Variants in KIF21B observed in about 807,000 individuals in gnomAD.
The protein encoded by KIF21B is kinesin family member 21B, also known as kinesin-like protein KIF21B.
In KIF21B, 85 loss-of-function variants were observed where a neutral mutation model predicts 192.9. That is an observed-to-expected ratio of 0.44 (90% CI 0.37 to 0.53). KIF21B has a LOEUF of 0.53. Ranked by LOEUF, KIF21B falls within the 20% of genes least tolerant of loss-of-function variation. KIF21B has a pLI of 0.00. For missense variants in KIF21B, 1,716 were observed against 2,194.8 expected, an observed-to-expected ratio of 0.78 and a Z score of 4.36; for synonymous variants, 832 against 884.6, an observed-to-expected ratio of 0.94 and a Z score of 1.05.
In KIF21B at chr1:201,003,783, T is replaced by TG; in HGVS notation, c.1017-3dup. ...ACACAGGCGATCATGATGGTCTGGC[T>TG]GGGGGTGCAGAAAGGCTGTTGTGAG... On this transcript the variant is annotated splice_region_variant and splice_polypyrimidine_tract_variant and intron_variant, in intron 7 of 34. Coordinates refer to ENST00000461742, the MANE Select transcript of KIF21B (RefSeq NM_001252102.2). 6.2e-7 allele frequency: 1 copy of TG among 1,614,146 alleles called. No individual in the cohort carries two copies. The highest frequency in any genetic ancestry group is 2.2e-5 in the East Asian group (1 of 44,882).
In KIF21B at chr1:200,975,773, G is replaced by A; in HGVS notation, c.4444-104C>T. 8.4e-7 allele frequency: 1 copy of A among 1,192,348 alleles called. No individual in the cohort carries two copies. 73.9% of individuals were successfully genotyped at this position (1,192,348 alleles called of 1,614,324 possible). ...CCTGAAGACCCAGGAGTCTGGCTAG[G>A]GTGACAGCCACTGCCCTCTGGGGAG... On this transcript the variant is annotated intron_variant, in intron 32 of 34. Coordinates refer to ENST00000461742, the MANE Select transcript of KIF21B (RefSeq NM_001252102.2). The surrounding 1 kb of genome is among the most constrained non-coding windows in gnomAD (Gnocchi z 4.3).
intron 26 of KIF21B, 128 bp downstream of exon 26, chr1:200,986,716 G>A: frequency 2.5e-6 from 2 of 789,854 alleles, no homozygotes; most frequent in East Asian, 2.6e-5. Context: ...AACCTGAATG[G>A]CTCAGTCAAG....
At position 200,996,342 on chromosome 1, in the gene KIF21B, C is replaced by T; in HGVS notation, c.2131G>A (p.Glu711Lys). The change falls in exon 15 of 35, where the codon GAG becomes AAG. Residue 711 changes from glutamate (E) to lysine (K), a missense_variant. Glu to Lys is a moderately conservative substitution (Grantham distance 56, BLOSUM62 1). Around this residue, in one of 3 missense-constraint regions of KIF21B, gnomAD observed 1,087 missense variants for 1,316.6 expected, o/e 0.83. Coordinates refer to ENST00000461742, the MANE Select transcript of KIF21B (RefSeq NM_001252102.2). The part of the protein sequence containing the change: ...EKANKIKADY[E>K]KRLREMNRDL... Reference sequence around the variant, plus strand: ...CGGTTCATCTCCCGCAGCCTCTTCTCATAGTCTGCCTTGATCTTGTTGGCC... The same window carrying T: ...CGGTTCATCTCCCGCAGCCTCTTCTTATAGTCTGCCTTGATCTTGTTGGCC... 1 of 1,614,178 alleles carries T rather than the reference C, an allele frequency of 6.2e-7. No individual in the cohort carries two copies. The highest frequency in any genetic ancestry group is 1.3e-5 in the African/African-American group (1 of 75,050).
In KIF21B at chr1:201,000,759, C is replaced by G; in HGVS notation, c.1424G>C (p.Gly475Ala). 1 of 1,614,240 alleles carries G rather than the reference C, an allele frequency of 6.2e-7. No individual in the cohort carries two copies. Among genetic ancestry groups the G allele is most frequent in the Non-Finnish European group, 8.5e-7 (1 of 1,180,036 alleles). The change falls in exon 10 of 35, where the codon GGT becomes GCT. Residue 475 changes from glycine to alanine, a missense_variant. Gly to Ala is a moderately conservative substitution (Grantham distance 60, BLOSUM62 0). Coordinates refer to ENST00000461742, the MANE Select transcript of KIF21B (RefSeq NM_001252102.2). This position sits in a 1 kb window ranked among gnomAD's most constrained non-coding sequence, Gnocchi z 6.0. Reference sequence around the variant, plus strand: ...CCGGATGTAGTTCTGGATCAGCGCACCAATGGCCTCATTGCCATCGCCTGG... The same window carrying G: ...CCGGATGTAGTTCTGGATCAGCGCAGCAATGGCCTCATTGCCATCGCCTGG... ...AKAGDGNEAIGALIQNYIREI... is the reference protein window; with the variant it reads ...AKAGDGNEAIAALIQNYIREI...
intron 3 of KIF21B, among the ~76,000 whole-genome samples, chr1:201,007,371 CAG>C (rs141059463): frequency 5.0e-4 from 31 of 62,034 alleles, no homozygotes; most frequent in East Asian, 1.8e-3. Context: ...CACACACACA[CAG>C]AGACAGAGAC....
At chr1:201,002,457 A>G (rs1657557487) in intron 8 of KIF21B, 107 bp from the exon 9 acceptor site, 1 of 961,076 alleles carries the variant, frequency 1.0e-6, no homozygotes, top group East Asian at 2.4e-5. Flanking sequence ...CTTCCCCTGG[A>G]TATGGCGCAT....
rs1370253259 is a variant in KIF21B, at chr1:201,005,664, C to A, written c.478G>T (p.Asp160Tyr). 1.2e-6 allele frequency: 2 copies of A among 1,614,026 alleles called. No individual in the cohort carries two copies. The highest frequency in any genetic ancestry group is 1.7e-6 in the Non-Finnish European group (2 of 1,180,032). Residue 160 changes from aspartate (D) to tyrosine (Y), a missense_variant, in exon 4 of 35, where the codon GAC (aspartate) becomes TAC (tyrosine). Physicochemically the swap from Asp to Tyr is radical, Grantham distance 160 (BLOSUM62 -3). This residue lies in a region of KIF21B where 1,087 missense variants were observed against 1,316.6 expected (regional missense o/e 0.83). Coordinates refer to ENST00000461742, the MANE Select transcript of KIF21B (RefSeq NM_001252102.2). Reference sequence around the variant, plus strand: ...CGGGTGTCAGGGTCACGGGTGCTGTCAAACAGGTCAAGGATCTCCTCGTTG... The same window carrying A: ...CGGGTGTCAGGGTCACGGGTGCTGTAAAACAGGTCAAGGATCTCCTCGTTG... ...LYNEEILDLF[D>Y]STRDPDTRHR...
At chr1:200,976,964 C>T in intron 31 of KIF21B, 71 bp from the exon 32 acceptor site, 1 of 1,220,784 alleles carries the variant, frequency 8.2e-7, no homozygotes, top group Non-Finnish European at 1.2e-6. Context: ...GGGGTGTCTG[C>T]CCCAAAACAA....
rs771407448 is a variant in KIF21B, at chr1:200,999,851, T to C, written c.1767+32A>G. 4.2e-5 allele frequency: 68 copies of C among 1,608,342 alleles called. No individual in the cohort carries two copies. The highest frequency in any genetic ancestry group is 1.6e-4 in the Middle Eastern group (1 of 6,080). On this transcript the variant is annotated intron_variant, in intron 12 of 34. Coordinates refer to ENST00000461742, the MANE Select transcript of KIF21B (RefSeq NM_001252102.2). The surrounding 1 kb of genome is among the most constrained non-coding windows in gnomAD (Gnocchi z 4.7). ...CCCCAGCAGGGACACAAGGCATGCA[T>C]GTGGTGAGGTGGGGCGGCCCGTGCT...
Position 200,975,616 on chromosome 1 carries a change from G to C in KIF21B, c.4497C>G (p.Phe1499Leu), listed in dbSNP as rs751851213. 1.9e-6 allele frequency: 3 copies of C among 1,613,838 alleles called. No individual in the cohort carries two copies. Among genetic ancestry groups the C allele is most frequent in the African/African-American group, 2.7e-5 (2 of 74,922 alleles). ...CGATGCCATCGTAGTGCGGGGGCTC[G>C]AAGTTGTGAGTGGGGCCGATGGTGC... ...VTGTIGPTHNFEPPHYDGIEC... is the reference protein window; with the variant it reads ...VTGTIGPTHNLEPPHYDGIEC... The change falls in exon 33 of 35, where the codon TTC becomes TTG. Residue 1499 changes from phenylalanine to leucine, a missense_variant. Transcript: ENST00000461742. The surrounding 1 kb of genome is among the most constrained non-coding windows in gnomAD (Gnocchi z 4.3).
Position 200,990,549 on chromosome 1 carries a change from G to T in KIF21B, c.2835+27C>A, listed in dbSNP as rs1656617961. On this transcript the variant is annotated intron_variant, in intron 19 of 34. Transcript: ENST00000461742. The surrounding 1 kb of genome is among the most constrained non-coding windows in gnomAD (Gnocchi z 5.4). ...CAGAGGACAGGCAGAGGGGTGGAAT[G>T]GAAGAGAAGGGGGAGGCAGGGCTCA... The T allele has an allele frequency of 1.2e-6, 2 of 1,609,408 alleles. No individual in the cohort carries two copies. Among genetic ancestry groups the T allele is most frequent in the African/African-American group, 2.7e-5 (2 of 74,862 alleles).
At chr1:201,007,681 C>T (rs188639639) in intron 3 of KIF21B, among the ~76,000 whole-genome samples, 73 of 151,014 alleles carry the variant, frequency 4.8e-4, no homozygotes, top group Middle Eastern at 6.9e-3. Context: ...CATAGACACA[C>T]GCACAGACAC....
intron 3 of KIF21B, among the ~76,000 whole-genome samples, chr1:201,007,033 GACAC>G (rs1657878769): frequency 2.4e-5 from 2 of 84,838 alleles, no homozygotes; most frequent in South Asian, 3.7e-4. Context: ...CACACACACA[GACAC>G]AGAGACACAT....
At chr1:201,022,889 C>CTTTGCTAGCTGCACACTAG (rs1658929291) in intron 1 of KIF21B, among the ~76,000 whole-genome samples, 4 of 152,212 alleles carry the variant, frequency 2.6e-5, no homozygotes. Context: ...GATCTGGCTC[C>CTTTGCTAGCTGCACACTAG]CAGGGTGGGT....
chr1:200,977,158 G>C, intron 31 of KIF21B, 54 bp downstream of exon 31: 1 of 1,567,108 alleles, frequency 6.4e-7, no homozygotes, highest in African/African-American at 1.3e-5. Flanking sequence ...CCAAGACCTG[G>C]GGACCTTGCC....
chr1:200,988,839 C>G lies in KIF21B; in HGVS notation c.3225G>C (p.Leu1075=), dbSNP rs373971449. ...CCTTCTCACGCAGGGCGTCCAGGAG[C>G]AGATGGTTCTGGGAGGAGCCTGCCA... ...TDMAGSSQNH[L]LLDALREKAE... is the part of the protein sequence containing the mutation. The change falls in exon 22 of 35, where the codon CTG becomes CTC. Residue 1075 remains leucine, a synonymous_variant. Transcript: ENST00000461742. 6.2e-7 allele frequency: 1 copy of G among 1,613,154 alleles called. No individual in the cohort carries two copies. Among genetic ancestry groups the G allele is most frequent in the Non-Finnish European group, 8.5e-7 (1 of 1,179,676 alleles).
intron 1 of KIF21B, among the ~76,000 whole-genome samples, chr1:201,013,188 CAA>C (rs1226333254): frequency 6.6e-6 from 1 of 152,174 alleles, no homozygotes. Flanking sequence ...AGGTAGGAGA[CAA>C]GAGGGCTGGG....
intron 17 of KIF21B, 112 bp downstream of exon 17, chr1:200,991,545 T>G: frequency 8.9e-7 from 1 of 1,124,398 alleles, no homozygotes; most frequent in Non-Finnish European, 1.3e-6. Flanking sequence ...AATACCGCCT[T>G]TATTCCACCG....
chr1:200,991,584 G>A lies in KIF21B; in HGVS notation c.2454+73C>T, dbSNP rs1341276569. On this transcript the variant is annotated intron_variant, in intron 17 of 34. Coordinates refer to ENST00000461742, the MANE Select transcript of KIF21B (RefSeq NM_001252102.2). ...GGAAGTTGGAGGCCCAAAAGAGAAG[G>A]CAAGCAATGCACACATGCACGCACA... 2.1e-6 allele frequency: 3 copies of A among 1,453,248 alleles called. No individual in the cohort carries two copies. In the Admixed American group the frequency reaches 5.1e-5, roughly 25 times the overall value. The allele number at this position is 1,453,248 out of a possible 1,614,324, so 90.0% of individuals were successfully genotyped here.
Sources: allele counts gnomAD v4.1 joint callset (sites outside exome capture counted in the v4.1 genomes callset), GRCh38; gene constraint gnomAD v4.1.1; regional missense constraint gnomAD v4.1.1; non-coding constraint Gnocchi (gnomAD v3.1); transcripts MANE v1.5; gene names NCBI Gene and HGNC (gene_info 2026-07-23, HGNC 2026-07-21).